Variants in CEP170 observed in about 807,000 individuals in gnomAD.
CEP170 encodes centrosomal protein 170.
In CEP170, 21 loss-of-function variants were observed where a neutral mutation model predicts 151.9. The observed-to-expected ratio is 0.14, with a 90% CI of 0.10 to 0.20. The LOEUF is 0.20. Ranked by LOEUF, CEP170 falls within the 10% of genes least tolerant of loss-of-function variation. CEP170 has a pLI of 1.00. For missense variants in CEP170, 964 were observed against 1,892.9 expected (o/e 0.51, Z 9.11); for synonymous variants, 356 against 648.8 (o/e 0.55, Z 6.86).
In CEP170 at chr1:243,208,398, C is replaced by T. The variant is rs141368678; in HGVS notation, c.274+3488G>A. Among the ~76,000 whole-genome samples the T allele has an allele frequency of 6.7e-3, 1,013 of 152,232 alleles. 13 individuals are homozygous for T. The highest frequency in any genetic ancestry group is 0.023 in the African/African-American group (962 of 41,536). On this transcript the variant is annotated intron_variant, in intron 4 of 19. Coordinates refer to ENST00000366542, the MANE Select transcript of CEP170 (RefSeq NM_014812.3). The stretch of plus-strand genomic sequence containing the variant: ...ACAAAAACAAAAACGCCTCCAAAGA[C>T]TACCCATTTCACTCAGAATAAAAGT...
At chr1:243,173,988 T>C (rs1300324018) in intron 10 of CEP170, among the ~76,000 whole-genome samples, 1 of 152,216 alleles carries the variant, frequency 6.6e-6, no homozygotes, top group African/African-American at 2.4e-5. Context: ...TGCGACATAG[T>C]AGATAGCATA....
chr1:243,174,867 C>A (rs1474560990), intron 10 of CEP170, among the ~76,000 whole-genome samples: 2 of 152,172 alleles, frequency 1.3e-5, no homozygotes, highest in Non-Finnish European at 2.9e-5. Context: ...CAAATTATAG[C>A]TATTCAAGTT....
At chr1:243,208,374 C>CA (rs905403259) in intron 4 of CEP170, among the ~76,000 whole-genome samples, 44 of 148,548 alleles carry the variant, frequency 3.0e-4, no homozygotes, top group Non-Finnish European at 4.6e-4. Flanking sequence ...TAAAAAAAAA[C>CA]AAAAACAAAA....
chr1:243,249,018 G>A (rs1371473430), intron 1 of CEP170, among the ~76,000 whole-genome samples: 1 of 151,994 alleles, frequency 6.6e-6, no homozygotes, highest in African/African-American at 2.4e-5. Flanking sequence ...TCAGAAAGAG[G>A]GATTCCCTAA....
chr1:243,211,651 CATAA>C (rs1275127091), intron 4 of CEP170: 26 of 443,212 alleles, frequency 5.9e-5, no homozygotes, highest in Non-Finnish European at 8.2e-6. Context: ...GCTGAAACTA[CATAA>C]ATAGAGAGAG....
At chr1:243,142,929 T>A (rs1008735768) in intron 14 of CEP170, among the ~76,000 whole-genome samples, 1 of 152,208 alleles carries the variant, frequency 6.6e-6, no homozygotes, top group African/African-American at 2.4e-5. Flanking sequence ...GTGATTTTTG[T>A]CATCAATAGA....
At chr1:243,219,270 A>G (rs1371518522) in intron 3 of CEP170, among the ~76,000 whole-genome samples, 1 of 152,264 alleles carries the variant, frequency 6.6e-6, no homozygotes, top group Non-Finnish European at 1.5e-5. Context: ...AAGATTCTGC[A>G]TTGCATCTTT....
At chr1:243,172,280 G>C (rs2058902302) in intron 11 of CEP170, among the ~76,000 whole-genome samples, 1 of 152,152 alleles carries the variant, frequency 6.6e-6, no homozygotes, top group African/African-American at 2.4e-5. Flanking sequence ...TAAAAATTTA[G>C]TTTTTAGAAG....
rs943136062 is a variant in CEP170, at chr1:243,223,876, A to G, written c.105+1300T>C. Among the ~76,000 whole-genome samples the G allele has an allele frequency of 5.9e-5, 9 of 152,306 alleles. No individual in the cohort carries two copies. The South Asian group carries it at 1.2e-3, about 21-fold the overall frequency. On this transcript the variant is annotated intron_variant, in intron 2 of 19. Transcript: ENST00000366542. ...AGCAGCCAATGAAAAAAAAATTCCT[A>G]TGTTTTTAGTTATTATGAAATGTAT...
At chr1:243,239,437 C>G (rs934667517) in intron 1 of CEP170, among the ~76,000 whole-genome samples, 33 of 152,282 alleles carry the variant, frequency 2.2e-4, no homozygotes, top group African/African-American at 7.2e-4. Context: ...CTCTCCAAAT[C>G]CTTCCTCTAT....
At chr1:243,211,766 C>G (rs1331102917) in intron 4 of CEP170, 120 bp downstream of exon 4, 2 of 1,142,216 alleles carry the variant, frequency 1.8e-6, no homozygotes, top group South Asian at 2.9e-5. Context: ...TAGGAATGCA[C>G]CCAATAAATA....
chr1:243,173,535 G>A (rs2059008604), intron 10 of CEP170, among the ~76,000 whole-genome samples: 1 of 150,996 alleles, frequency 6.6e-6, no homozygotes. Flanking sequence ...CAGGAGTTCC[G>A]GACCAGCCTG....
intron 10 of CEP170, among the ~76,000 whole-genome samples, chr1:243,180,100 A>C (rs1303422665): frequency 1.3e-5 from 2 of 152,232 alleles, no homozygotes; most frequent in African/African-American, 2.4e-5. Flanking sequence ...TAAGACGATA[A>C]ATTTTCTTAT....
chr1:243,224,385 C>T (rs1378279396), intron 2 of CEP170, among the ~76,000 whole-genome samples: 3 of 151,832 alleles, frequency 2.0e-5, no homozygotes, highest in South Asian at 2.1e-4. Flanking sequence ...TCGGCTTCCC[C>T]GGGCCACACT....
intron 1 of CEP170, among the ~76,000 whole-genome samples, chr1:243,238,995 G>A (rs964954051): frequency 1.3e-5 from 2 of 152,058 alleles, no homozygotes; most frequent in African/African-American, 4.8e-5. Flanking sequence ...TTTTTACGGG[G>A]TTACTTCCCT....
chr1:243,251,874 C>T (rs1190609239), intron 1 of CEP170, among the ~76,000 whole-genome samples: 1 of 152,082 alleles, frequency 6.6e-6, no homozygotes, highest in Admixed American at 6.5e-5. Flanking sequence ...AACAGCAACA[C>T]ACATTGGCTA....
intron 14 of CEP170, among the ~76,000 whole-genome samples, chr1:243,148,296 C>T (rs1252940271): frequency 1.3e-5 from 2 of 152,038 alleles, no homozygotes; most frequent in Admixed American, 6.6e-5. Context: ...ATCAGCTGGG[C>T]GCGGTGGCTC....
chr1:243,212,523 A>G (rs965715657), intron 3 of CEP170, among the ~76,000 whole-genome samples: 1 of 152,156 alleles, frequency 6.6e-6, no homozygotes, highest in Admixed American at 6.5e-5. Context: ...TTTTTCTGAT[A>G]TGTTGAAATT....
At chr1:243,193,675 T>C (rs1383871900) in intron 7 of CEP170, among the ~76,000 whole-genome samples, 2 of 152,030 alleles carry the variant, frequency 1.3e-5, no homozygotes, top group African/African-American at 4.8e-5. Context: ...AGAAATCAAG[T>C]ACCTAACCAG....
Sources: allele counts gnomAD v4.1 joint callset (sites outside exome capture counted in the v4.1 genomes callset), GRCh38; gene constraint gnomAD v4.1.1; transcripts MANE v1.5; gene names NCBI Gene and HGNC (gene_info 2026-07-23, HGNC 2026-07-21).